PDE1A: variants seen among roughly 807,000 people sequenced by gnomAD.
PDE1A encodes phosphodiesterase 1A, also known as dual specificity calcium/calmodulin-dependent 3',5'-cyclic nucleotide phosphodiesterase 1A.
A neutral mutation model predicts 61.7 loss-of-function variants in PDE1A; 35 were observed. That is an observed-to-expected ratio of 0.57 (90% CI 0.43 to 0.75). The LOEUF is 0.75. PDE1A is among the 30% of genes least tolerant of loss of function. The pLI, the probability that PDE1A is intolerant of heterozygous loss-of-function variation, is 0.00. For synonymous variants in PDE1A, 232 were observed against 213.2 expected (o/e 1.09, Z -0.77); for missense variants, 597 against 630.6 (o/e 0.95, Z 0.57).
intron 1 of PDE1A, among the ~76,000 whole-genome samples, chr2:182,266,411 T>G (rs1340722576): frequency 6.6e-6 from 1 of 152,180 alleles, no homozygotes; most frequent in Non-Finnish European, 1.5e-5. Flanking sequence ...TTTATGAAAG[T>G]AGAAGATAGA....
the PDE1A span, among the ~76,000 whole-genome samples, chr2:182,610,904 T>G: frequency 6.6e-6 from 1 of 152,170 alleles, no homozygotes. Context: ...ATAAAGTAAA[T>G]TATATAACAG....
intron 1 of PDE1A, among the ~76,000 whole-genome samples, chr2:182,345,450 C>T (rs1034705797): frequency 6.6e-6 from 1 of 152,200 alleles, no homozygotes; most frequent in Non-Finnish European, 1.5e-5. Context: ...CTATTCTGAA[C>T]AGCAGTCAGA....
chr2:182,624,451 T>A, the PDE1A span, among the ~76,000 whole-genome samples: 1 of 152,190 alleles, frequency 6.6e-6, no homozygotes, highest in African/African-American at 2.4e-5. Flanking sequence ...AAGAGGAATG[T>A]ATATGGTAAG....
At chr2:182,636,436 C>T in the PDE1A span, among the ~76,000 whole-genome samples, 1 of 151,822 alleles carries the variant, frequency 6.6e-6, no homozygotes, top group Non-Finnish European at 1.5e-5. Flanking sequence ...TAGGTTTGTA[C>T]GGGAAGTTCA....
At chr2:182,454,895 A>C (rs1026352501) in intron 2 of PDE1A, among the ~76,000 whole-genome samples, 1 of 146,442 alleles carries the variant, frequency 6.8e-6, no homozygotes, top group Non-Finnish European at 1.5e-5. Context: ...CAAAAGACAA[A>C]ATTGACAAAT....
chr2:182,603,763 C>G, the PDE1A span, among the ~76,000 whole-genome samples: 2 of 151,938 alleles, frequency 1.3e-5, no homozygotes, highest in Non-Finnish European at 2.9e-5. Context: ...AAGTTAAATT[C>G]CTTTTTTAAA....
At chr2:182,570,241 G>A in the PDE1A span, among the ~76,000 whole-genome samples, 1 of 152,158 alleles carries the variant, frequency 6.6e-6, no homozygotes, top group African/African-American at 2.4e-5. Context: ...GGGAAGTAGA[G>A]AGTATAAAAT....
At chr2:182,651,518 A>G in the PDE1A span, among the ~76,000 whole-genome samples, 1 of 152,250 alleles carries the variant, frequency 6.6e-6, no homozygotes, top group African/African-American at 2.4e-5. Context: ...AAAGATTTGT[A>G]TTGAAAATGT....
intron 13 of PDE1A, among the ~76,000 whole-genome samples, chr2:182,150,502 G>A (rs767050993): frequency 1.3e-5 from 2 of 152,190 alleles, no homozygotes; most frequent in Non-Finnish European, 2.9e-5. Flanking sequence ...ATGAATGCAA[G>A]TGGTCTGTTC....
At chr2:182,431,235 CCA>C (rs1202526784), upstream of PDE1A, among the ~76,000 whole-genome samples, 1 of 151,682 alleles carries the variant, frequency 6.6e-6, no homozygotes, top group African/African-American at 2.4e-5. Context: ...CACCTAAACT[CCA>C]GTTTAGTTGT....
intron 2 of PDE1A, among the ~76,000 whole-genome samples, chr2:182,484,921 T>G (rs995268780): frequency 1.3e-5 from 2 of 152,002 alleles, no homozygotes; most frequent in East Asian, 1.9e-4. Flanking sequence ...TTTGTGGGAA[T>G]GTAAATTAGT....
At chr2:182,404,201 CTT>C (rs1702178913) in intron 1 of PDE1A, among the ~76,000 whole-genome samples, 1 of 152,164 alleles carries the variant, frequency 6.6e-6, no homozygotes, top group Admixed American at 6.5e-5. Flanking sequence ...CTTTTTCTCT[CTT>C]GGATATCCTC....
At chr2:182,447,391 A>G (rs1365798251) in intron 2 of PDE1A, among the ~76,000 whole-genome samples, 2 of 151,988 alleles carry the variant, frequency 1.3e-5, no homozygotes, top group Admixed American at 1.3e-4. Flanking sequence ...ATTCTTGCCA[A>G]ATTCTGACAC....
the PDE1A span, among the ~76,000 whole-genome samples, chr2:182,553,930 G>C: frequency 6.6e-6 from 1 of 152,222 alleles, no homozygotes; most frequent in Admixed American, 6.5e-5. Context: ...GGAGACTTTA[G>C]ACAGTCAAGG....
At chr2:182,529,842 C>A in the PDE1A span, among the ~76,000 whole-genome samples, 1 of 152,176 alleles carries the variant, frequency 6.6e-6, no homozygotes, top group Non-Finnish European at 1.5e-5. Context: ...TTGATTTCCA[C>A]CATGATTGTG....
intron 2 of PDE1A, among the ~76,000 whole-genome samples, chr2:182,456,107 G>C (rs1685901263): frequency 6.6e-6 from 1 of 152,034 alleles, no homozygotes; most frequent in Non-Finnish European, 1.5e-5. Context: ...GATGTAAAAT[G>C]CTGCCCAACT....
chr2:182,185,986 G>A, exon 13 of PDE1A: 1 of 1,614,086 alleles, frequency 6.2e-7, no homozygotes, highest in Admixed American at 1.7e-5. Flanking sequence ...CTGCAAGGGA[G>A]TAGTCTGGGG....
intron 1 of PDE1A, among the ~76,000 whole-genome samples, chr2:182,293,033 C>T (rs1311005771): frequency 6.6e-6 from 1 of 151,982 alleles, no homozygotes; most frequent in African/African-American, 2.4e-5. Context: ...CTTGAGTGTA[C>T]AGTTCAATGA....
Position 182,309,254 on chromosome 2 carries a change from TAAGTA to T in PDE1A, c.54-44845_54-44841del, listed in dbSNP as rs562744095. ...TTTTTTCCTTCTAAAGTTGTAAACT[TAAGTA>T]AAGAAAAATCAGTGTGTTGTGTTTA... On this transcript the variant is annotated intron_variant, in intron 1 of 13. Transcript: ENST00000351439. Among the ~76,000 whole-genome samples the T allele has an allele frequency of 2.5e-3, 376 of 151,930 alleles. 1 individual carries two copies. Among genetic ancestry groups the T allele is most frequent in the Non-Finnish European group, 4.5e-3 (306 of 67,924 alleles).
Sources: gnomAD v4.1 joint callset for allele counts (sites outside exome capture counted in the v4.1 genomes callset) on GRCh38, gnomAD v4.1.1 for gene constraint, MANE v1.5 for transcripts, NCBI Gene and HGNC (gene_info 2026-07-23, HGNC 2026-07-21) for gene names.